The following CNTNAP5 variants were observed in gnomAD, a reference collection of about 807,000 sequenced individuals.
CNTNAP5 encodes contactin associated protein family member 5, also known as contactin-associated protein-like 5.
A neutral mutation model predicts 150.2 loss-of-function variants in CNTNAP5; 72 were observed. The observed-to-expected ratio is 0.48, with a 90% CI of 0.40 to 0.58. CNTNAP5 has a LOEUF of 0.58. Among genes scored for constraint, CNTNAP5 ranks in the 20% least tolerant of loss-of-function variants. CNTNAP5 has a pLI of 0.00. For missense variants in CNTNAP5, 1,636 were observed against 1,626.2 expected, an observed-to-expected ratio of 1.01 and a Z score of -0.10; for synonymous variants, 672 against 619.8, an observed-to-expected ratio of 1.08 and a Z score of -1.25.
chr2:124,669,811 C>T (rs185518733), intron 13 of CNTNAP5, among the ~76,000 whole-genome samples: 1 of 152,338 alleles, frequency 6.6e-6, no homozygotes, highest in Non-Finnish European at 1.5e-5. Context: ...CCTAATCCAA[C>T]TGGCTATCAT....
chr2:124,414,149 T>C (rs1469781874), intron 3 of CNTNAP5, among the ~76,000 whole-genome samples: 1 of 151,768 alleles, frequency 6.6e-6, no homozygotes, highest in African/African-American at 2.4e-5. Context: ...ATGAGTAGTT[T>C]GTTGTCATTC....
chr2:124,393,249 G>A (rs981995474), intron 3 of CNTNAP5, among the ~76,000 whole-genome samples: 1 of 152,026 alleles, frequency 6.6e-6, no homozygotes, highest in Non-Finnish European at 1.5e-5. Flanking sequence ...GTGACAATTA[G>A]CCAACCCACC....
intron 4 of CNTNAP5, among the ~76,000 whole-genome samples, chr2:124,422,754 C>A (rs1488992364): frequency 6.6e-6 from 1 of 152,214 alleles, no homozygotes; most frequent in East Asian, 1.9e-4. Context: ...TTGCATGCTT[C>A]CAATCCTCTA....
intron 19 of CNTNAP5, among the ~76,000 whole-genome samples, chr2:124,817,628 GTCCC>G (rs1682392981): frequency 6.6e-6 from 1 of 152,174 alleles, no homozygotes; most frequent in South Asian, 2.1e-4. Flanking sequence ...GAGTCATCGT[GTCCC>G]AGCACAGTTC....
Position 124,917,753 on chromosome 2 carries a change from T to A in CNTNAP5, c.*3465T>A, listed in dbSNP as rs190651217. On this transcript the variant is annotated 3_prime_UTR_variant, in exon 24 of 24. Coordinates refer to ENST00000682447, the MANE Select transcript of CNTNAP5 (RefSeq NM_001367498.1). ...CCGGGCTAGGCATTGGGTGAACATATATAAATTACACCTTGTTTTTGCCCT... is the reference window on the plus strand; with the variant it reads ...CCGGGCTAGGCATTGGGTGAACATAAATAAATTACACCTTGTTTTTGCCCT... 2.7e-4 allele frequency among the ~76,000 whole-genome samples: 41 copies of A among 152,152 alleles called. No individual in the cohort carries two copies. Among genetic ancestry groups the A allele is most frequent in the African/African-American group, 9.6e-4 (40 of 41,530 alleles).
intron 3 of CNTNAP5, among the ~76,000 whole-genome samples, chr2:124,372,653 C>A (rs1690556128): frequency 6.6e-6 from 1 of 152,048 alleles, no homozygotes; most frequent in Non-Finnish European, 1.5e-5. Context: ...GTTCCTGAAG[C>A]TATCATAGAA....
At chr2:124,521,121 G>A (rs1486663186) in intron 8 of CNTNAP5, among the ~76,000 whole-genome samples, 1 of 152,078 alleles carries the variant, frequency 6.6e-6, no homozygotes, top group Non-Finnish European at 1.5e-5. Flanking sequence ...CCAATGACAT[G>A]GCTCCTGACC....
In CNTNAP5 at chr2:124,919,248, T is replaced by C. The variant is rs567466902; in HGVS notation, c.*4960T>C. Among the ~76,000 whole-genome samples the C allele has an allele frequency of 1.3e-5, 2 of 152,248 alleles. No individual in the cohort carries two copies. Among genetic ancestry groups the C allele is most frequent in the African/African-American group, 4.8e-5 (2 of 41,562 alleles). ...AAGCATTCCTCTTTTATGTTGACAA[T>C]TATTTGAATCCTTCATATAAGGTTT... On this transcript the variant is annotated 3_prime_UTR_variant, in exon 24 of 24. Coordinates refer to ENST00000682447, the MANE Select transcript of CNTNAP5 (RefSeq NM_001367498.1).
At chr2:124,771,649 CTT>C (rs1231012433) in intron 16 of CNTNAP5, among the ~76,000 whole-genome samples, 1 of 152,060 alleles carries the variant, frequency 6.6e-6, no homozygotes, top group Admixed American at 6.6e-5. Context: ...AATTCTCTCT[CTT>C]AATGGTTATC....
At chr2:124,419,988 C>CTTTCTTTTTT (rs760831784) in intron 4 of CNTNAP5, among the ~76,000 whole-genome samples, 6 of 78,890 alleles carry the variant, frequency 7.6e-5, no homozygotes, top group Admixed American at 2.9e-4. Context: ...TTCTTTCTTT[C>CTTTCTTTTTT]TTTTTTTTTT....
chr2:124,319,337 C>T (rs2104666941), intron 3 of CNTNAP5, among the ~76,000 whole-genome samples: 1 of 152,280 alleles, frequency 6.6e-6, no homozygotes, highest in Non-Finnish European at 1.5e-5. Flanking sequence ...AACTCATTCT[C>T]CATGATATTA....
intron 1 of CNTNAP5, among the ~76,000 whole-genome samples, chr2:124,071,564 A>C (rs576128595): frequency 6.6e-6 from 1 of 151,958 alleles, no homozygotes; most frequent in Non-Finnish European, 1.5e-5. Flanking sequence ...AGTGGCTACT[A>C]TGAGCATTAT....
chr2:124,798,862 A>G (rs975099289), intron 19 of CNTNAP5, among the ~76,000 whole-genome samples: 1 of 152,100 alleles, frequency 6.6e-6, no homozygotes, highest in Non-Finnish European at 1.5e-5. Flanking sequence ...AGATAATGAC[A>G]AATTGTGGCA....
chr2:124,758,115 A>T (rs916475856), intron 14 of CNTNAP5, among the ~76,000 whole-genome samples: 2 of 152,134 alleles, frequency 1.3e-5, no homozygotes, highest in Non-Finnish European at 2.9e-5. Context: ...GAACCATGAG[A>T]TCTCAAAATA....
At chr2:124,391,558 G>C (rs2104748844) in intron 3 of CNTNAP5, among the ~76,000 whole-genome samples, 1 of 152,262 alleles carries the variant, frequency 6.6e-6, no homozygotes, top group South Asian at 2.1e-4. Flanking sequence ...GCTTTTCTTT[G>C]CAGCCTCTGA....
chr2:124,183,493 T>G (rs1685256440), intron 1 of CNTNAP5, among the ~76,000 whole-genome samples: 1 of 152,224 alleles, frequency 6.6e-6, no homozygotes, highest in Non-Finnish European at 1.5e-5. Flanking sequence ...GGAATTGAAC[T>G]TATGTTATTG....
At chr2:124,453,569 G>A (rs775646390) in intron 6 of CNTNAP5, among the ~76,000 whole-genome samples, 3 of 152,134 alleles carry the variant, frequency 2.0e-5, no homozygotes, top group Non-Finnish European at 2.9e-5. Flanking sequence ...TCATTGCCTA[G>A]ACACATTGTC....
intron 8 of CNTNAP5, among the ~76,000 whole-genome samples, chr2:124,517,318 T>A (rs1458260867): frequency 2.0e-5 from 3 of 151,228 alleles, no homozygotes; most frequent in South Asian, 4.2e-4. Flanking sequence ...GTGATGGTGA[T>A]GGAGGGTTGT....
chr2:124,793,449 A>G (rs1445253852), intron 18 of CNTNAP5, among the ~76,000 whole-genome samples: 1 of 152,116 alleles, frequency 6.6e-6, no homozygotes, highest in Non-Finnish European at 1.5e-5. Flanking sequence ...GAGATATATG[A>G]TTTGCAAATG....
Sources: allele counts gnomAD v4.1 joint callset (sites outside exome capture counted in the v4.1 genomes callset), GRCh38; gene constraint gnomAD v4.1.1; transcripts MANE v1.5; gene names NCBI Gene and HGNC (gene_info 2026-07-23, HGNC 2026-07-21).